Variants in ME3 observed in about 807,000 individuals in gnomAD.
ME3 encodes the protein NADP-dependent malic enzyme, mitochondrial.
In ME3, 48 loss-of-function variants were observed where a neutral mutation model predicts 68.9. That is an observed-to-expected ratio of 0.70 (90% CI 0.55 to 0.89). The LOEUF is 0.89. Ranked by LOEUF, ME3 falls within the 40% of genes least tolerant of loss-of-function variation. ME3 has a pLI of 0.00. For synonymous variants in ME3, 320 were observed against 318.8 expected (o/e 1.00, Z -0.04); for missense variants, 675 against 797.4 (o/e 0.85, Z 1.85).
intron 4 of ME3, among the ~76,000 whole-genome samples, chr11:86,532,081 G>A (rs1212135761): frequency 3.3e-5 from 5 of 151,714 alleles, no homozygotes; most frequent in African/African-American, 2.4e-5. Context: ...AGTTATATCA[G>A]ACAGAACAGT....
intron 2 of ME3, among the ~76,000 whole-genome samples, chr11:86,593,255 C>T (rs1959161408): frequency 1.7e-5 from 2 of 117,552 alleles, no homozygotes; most frequent in Admixed American, 1.1e-4. Flanking sequence ...CCGTACAACA[C>T]GAAACTGTAG....
At chr11:86,644,482 T>C (rs955734393) in intron 2 of ME3, among the ~76,000 whole-genome samples, 2 of 152,126 alleles carry the variant, frequency 1.3e-5, no homozygotes, top group Non-Finnish European at 2.9e-5. Flanking sequence ...CACCCTGATT[T>C]TATGCAATTT....
At chr11:86,641,293 G>A (rs571137196) in intron 2 of ME3, among the ~76,000 whole-genome samples, 1 of 152,198 alleles carries the variant, frequency 6.6e-6, no homozygotes, top group African/African-American at 2.4e-5. Flanking sequence ...AAAAATCAAA[G>A]GAAAGTACCA....
chr11:86,579,690 C>T (rs1398043627), intron 2 of ME3, among the ~76,000 whole-genome samples: 1 of 152,190 alleles, frequency 6.6e-6, no homozygotes, highest in East Asian at 1.9e-4. Flanking sequence ...TAATCTCTAT[C>T]CTCAATCCAT....
At chr11:86,441,297 C>T (rs1948983303) in exon 15 of ME3, 6 of 1,605,354 alleles carry the variant, frequency 3.7e-6, no homozygotes, top group Non-Finnish European at 5.1e-6. Context: ...TCTGAACATT[C>T]ATGGCTTCCT....
At chr11:86,667,973 A>G (rs923160421) in intron 2 of ME3, 1 of 152,178 alleles carries the variant, frequency 6.6e-6, no homozygotes, top group African/African-American at 2.4e-5. Context: ...TTTTAGAAGA[A>G]AAGCAGAATA....
intron 4 of ME3, among the ~76,000 whole-genome samples, chr11:86,525,652 C>A (rs1954680057): frequency 6.6e-6 from 1 of 152,134 alleles, no homozygotes; most frequent in Admixed American, 6.5e-5. Flanking sequence ...CACCTGAGGT[C>A]AGGAGTTCAA....
At chr11:86,652,856 C>T (rs11501849) in intron 2 of ME3, among the ~76,000 whole-genome samples, 29,676 of 151,280 alleles carry the variant, frequency 0.2, 3,683 homozygotes, top group East Asian at 0.56. Flanking sequence ...ACCCATCTCA[C>T]GTGCAGAGAC....
chr11:86,500,470 C>A (rs1952652151), intron 5 of ME3, among the ~76,000 whole-genome samples: 1 of 152,258 alleles, frequency 6.6e-6, no homozygotes, highest in African/African-American at 2.4e-5. Context: ...AACAGTTTCA[C>A]AACCAGACTC....
At chr11:86,524,037 T>C (rs1425468887) in intron 4 of ME3, among the ~76,000 whole-genome samples, 1 of 152,190 alleles carries the variant, frequency 6.6e-6, no homozygotes, top group Non-Finnish European at 1.5e-5. Context: ...CCTTCAGAAA[T>C]AATAATCAGA....
chr11:86,628,036 G>A (rs529337688), intron 2 of ME3, among the ~76,000 whole-genome samples: 35 of 152,342 alleles, frequency 2.3e-4, no homozygotes, highest in Admixed American at 7.2e-4. Flanking sequence ...CTGAGAGACA[G>A]CAAAGAACAG....
At chr11:86,644,475 C>T (rs1944873688) in intron 2 of ME3, among the ~76,000 whole-genome samples, 1 of 152,128 alleles carries the variant, frequency 6.6e-6, no homozygotes, top group Admixed American at 6.5e-5. Flanking sequence ...CTCTTTCCAC[C>T]CTGATTTTAT....
intron 6 of ME3, among the ~76,000 whole-genome samples, chr11:86,488,272 C>T (rs1240226757): frequency 6.6e-6 from 1 of 152,204 alleles, no homozygotes; most frequent in Admixed American, 6.5e-5. Flanking sequence ...CTGTAGCTGA[C>T]TTCAGGCAGA....
chr11:86,508,875 A>G lies in ME3; in HGVS notation c.468-8T>C. Reference sequence around the variant, plus strand: ...ATGGTGATGAACAGTCCACTAAAAGAAATAAAACACGTACACACAGAGAAA... The same window carrying G: ...ATGGTGATGAACAGTCCACTAAAAGGAATAAAACACGTACACACAGAGAAA... On this transcript the variant is annotated splice_region_variant and splice_polypyrimidine_tract_variant and intron_variant, in intron 4 of 14. Coordinates refer to ENST00000543262, the Ensembl canonical transcript of ME3. 1 of 1,608,102 alleles carries G rather than the reference A, an allele frequency of 6.2e-7. No individual in the cohort carries two copies. Among genetic ancestry groups the G allele is most frequent in the South Asian group, 1.1e-5 (1 of 90,946 alleles).
chr11:86,465,348 C>T (rs1344597063), intron 7 of ME3, 148 bp from the exon 8 acceptor site: 5 of 643,804 alleles, frequency 7.8e-6, no homozygotes, highest in African/African-American at 7.1e-5. Flanking sequence ...CACTGGTTGG[C>T]TCCTGGACTC....
rs908857302 is a variant in ME3, at chr11:86,574,986, G to C, written c.184-15163C>G. ...CACTGGCAGCTTGCAACCCTGACAG[G>C]TTGTCCAGCCTGGGCAGGGGCCAAC... On this transcript the variant is annotated intron_variant, in intron 2 of 14. Coordinates refer to ENST00000543262, the Ensembl canonical transcript of ME3. Among the ~76,000 whole-genome samples the C allele has an allele frequency of 4.2e-5, 5 of 118,504 alleles. 1 individual carries two copies. The highest frequency in any genetic ancestry group is 8.9e-5 in the Non-Finnish European group (5 of 56,058). 77.7% of individuals were successfully genotyped at this position (118,504 alleles called of 152,430 possible).
At chr11:86,448,121 T>G in intron 11 of ME3, 29 bp downstream of exon 11, 1 of 1,506,622 alleles carries the variant, frequency 6.6e-7, no homozygotes, top group Non-Finnish European at 9.2e-7. Flanking sequence ...TTAGCTGGGC[T>G]GGGTAGTGGG....
chr11:86,465,125 A>G, exon 8 of ME3: 1 of 1,613,740 alleles, frequency 6.2e-7, no homozygotes, highest in African/African-American at 1.3e-5. Flanking sequence ...AGTACTTGTT[A>G]CGGTATTTGT....
intron 4 of ME3, among the ~76,000 whole-genome samples, chr11:86,531,703 C>T (rs1311973171): frequency 2.0e-5 from 3 of 151,918 alleles, no homozygotes; most frequent in Admixed American, 2.0e-4. Flanking sequence ...TTTGTAGGGA[C>T]ATGGATGAAG....
Sources: gnomAD v4.1 joint callset for allele counts (sites outside exome capture counted in the v4.1 genomes callset) on GRCh38, gnomAD v4.1.1 for gene constraint, MANE v1.5 for transcripts, NCBI Gene and HGNC (gene_info 2026-07-23, HGNC 2026-07-21) for gene names.